FRMPD2: variants seen among roughly 807,000 people sequenced by gnomAD.
FRMPD2 encodes FERM and PDZ domain-containing protein 2.
A neutral mutation model predicts 140.1 loss-of-function variants in FRMPD2; 96 were observed. The observed-to-expected ratio is 0.69, with a 90% CI of 0.58 to 0.81. The LOEUF is 0.81. FRMPD2 is among the 40% of genes least tolerant of loss of function. FRMPD2 has a pLI of 0.00. For missense variants in FRMPD2, 1,240 were observed against 1,447.4 expected, an observed-to-expected ratio of 0.86 and a Z score of 2.32; for synonymous variants, 449 against 547.6, an observed-to-expected ratio of 0.82 and a Z score of 2.52.
In FRMPD2 at chr10:48,261,962, A is replaced by G. The variant is rs1588860482; in HGVS notation, c.26-10271T>C. ...AACTACTAGAAATATTTTTTAAAAG[A>G]AGTATAACTTACATGCCAAAATAAT... On this transcript the variant is annotated intron_variant, in intron 1 of 28. Coordinates refer to ENST00000374201, the MANE Select transcript of FRMPD2 (RefSeq NM_001018071.4). Among the ~76,000 whole-genome samples, 3 of 152,306 alleles carry G rather than the reference A, an allele frequency of 2.0e-5. No individual in the cohort carries two copies. The South Asian group carries it at 6.2e-4, about 32-fold the overall frequency.
At chr10:48,219,814 T>C (rs886449741) in intron 12 of FRMPD2, among the ~76,000 whole-genome samples, 7 of 152,220 alleles carry the variant, frequency 4.6e-5, no homozygotes, top group Non-Finnish European at 1.0e-4. Flanking sequence ...CAAAGAAACT[T>C]GCATATGATT....
At chr10:48,175,988 A>T (rs1460064863) in intron 22 of FRMPD2, 49 bp from the exon 23 acceptor site, 1 of 1,418,652 alleles carries the variant, frequency 7.0e-7, no homozygotes. Context: ...TCCTCCAGGA[A>T]GCCTCCCCAA....
At position 48,211,938 on chromosome 10, in the gene FRMPD2, G is replaced by C. The variant is rs563419371; in HGVS notation, c.1611+16C>G. ...CTTGAAGACCAACACCTCTCTCCAG[G>C]TCAGGAAGGCCTTACCCTCAAGAAC... On this transcript the variant is annotated intron_variant, in intron 13 of 28. Transcript: ENST00000374201. 1.2e-6 allele frequency: 2 copies of C among 1,611,024 alleles called. No homozygotes were observed. The highest frequency in any genetic ancestry group is 1.7e-5 in the Admixed American group (1 of 59,890).
chr10:48,217,292 C>T (rs1219990134), intron 12 of FRMPD2, among the ~76,000 whole-genome samples: 1 of 152,162 alleles, frequency 6.6e-6, no homozygotes, highest in East Asian at 1.9e-4. Context: ...ACAAAAACAC[C>T]CTTACCCTCA....
At chr10:48,197,252 C>T (rs1838976160) in intron 15 of FRMPD2, among the ~76,000 whole-genome samples, 2 of 152,286 alleles carry the variant, frequency 1.3e-5, no homozygotes, top group African/African-American at 4.8e-5. Flanking sequence ...TTGGCTGGCA[C>T]TGAACAAAAC....
intron 17 of FRMPD2, 57 bp from the exon 18 acceptor site, chr10:48,185,702 A>G (rs1838667398): frequency 7.6e-7 from 1 of 1,308,434 alleles, no homozygotes; most frequent in Non-Finnish European, 1.1e-6. Context: ...TTTGGGAGCT[A>G]ATACAAAAGG....
chr10:48,242,385 G>T, intron 4 of FRMPD2, 33 bp from the exon 5 acceptor site: 1 of 1,589,898 alleles, frequency 6.3e-7, no homozygotes, highest in Non-Finnish European at 8.6e-7. Flanking sequence ...AGAGGAGAGA[G>T]CAGCCAGAGC....
intron 20 of FRMPD2, among the ~76,000 whole-genome samples, chr10:48,182,182 G>A (rs545640726): frequency 4.6e-5 from 7 of 152,170 alleles, no homozygotes; most frequent in African/African-American, 1.7e-4. Context: ...TATCCAGCAG[G>A]GAGTGGCAGG....
chr10:48,216,286 TGATG>T (rs760684746), intron 12 of FRMPD2, among the ~76,000 whole-genome samples: 1 of 115,936 alleles, frequency 8.6e-6, no homozygotes, highest in East Asian at 2.8e-4. Flanking sequence ...GATACATAGA[TGATG>T]GATAGATAGA....
chr10:48,176,994 TAG>T (rs1250948409), intron 22 of FRMPD2, among the ~76,000 whole-genome samples: 23 of 152,260 alleles, frequency 1.5e-4, no homozygotes, highest in Non-Finnish European at 2.4e-4. Flanking sequence ...TCATCAGCCA[TAG>T]AGTGTCCTTA....
chr10:48,188,954 C>T (rs1018069310), intron 16 of FRMPD2, among the ~76,000 whole-genome samples: 1 of 152,090 alleles, frequency 6.6e-6, no homozygotes, highest in Non-Finnish European at 1.5e-5. Context: ...GGAGTTGTGT[C>T]GAATGGGTGC....
chr10:48,251,469 G>T, intron 2 of FRMPD2, 97 bp downstream of exon 2: 1 of 1,458,338 alleles, frequency 6.9e-7, no homozygotes. Context: ...GCTCTCAGAG[G>T]TTGATTTAAA....
Position 48,200,588 on chromosome 10 carries a change from T to C in FRMPD2, c.1954+640A>G, listed in dbSNP as rs540496905. On this transcript the variant is annotated intron_variant, in intron 15 of 28. Coordinates refer to ENST00000374201, the MANE Select transcript of FRMPD2 (RefSeq NM_001018071.4). ...CTTCGAATTCCTTTTCCAAGAACTT[T>C]TGTTCATGATAGGTCTGTGTTGCTA... Among the ~76,000 whole-genome samples, 11 of 152,360 alleles carry C rather than the reference T, an allele frequency of 7.2e-5. No individual in the cohort carries two copies. The South Asian group carries it at 2.3e-3, about 32-fold the overall frequency.
intron 12 of FRMPD2, among the ~76,000 whole-genome samples, chr10:48,215,255 A>T (rs115759935): frequency 6.6e-6 from 1 of 152,116 alleles, no homozygotes; most frequent in Non-Finnish European, 1.5e-5. Context: ...GGTGGCCCCC[A>T]CCCAGCTTCA....
chr10:48,261,310 A>T (rs1840585195), intron 1 of FRMPD2, among the ~76,000 whole-genome samples: 2 of 152,248 alleles, frequency 1.3e-5, no homozygotes, highest in African/African-American at 4.8e-5. Context: ...ATCAAGCAAG[A>T]TAAATAAAAA....
chr10:48,220,200 A>G (rs1839550205), intron 12 of FRMPD2, among the ~76,000 whole-genome samples: 1 of 152,248 alleles, frequency 6.6e-6, no homozygotes. Context: ...CCATAAGGCC[A>G]TAGTCACCAG....
Position 48,249,036 on chromosome 10 carries a change from C to A in FRMPD2, c.294G>T (p.Gln98His). The change falls in exon 3 of 29, where the codon CAG becomes CAT. Residue 98 changes from glutamine (Q) to histidine (H), a missense_variant. Gln to His is a conservative substitution (Grantham distance 24). Transcript: ENST00000374201. Reference protein sequence around the residue: ...ELLQGQSEDEQPDASQMHVYS... With the variant: ...ELLQGQSEDEHPDASQMHVYS... ...CACAGCTTACCTGAGATGCATCAGG[C>A]TGCTCATCCTCACTCTGTCCCTGTA... is the stretch of plus-strand genomic sequence containing the variant. The A allele has an allele frequency of 6.2e-7, 1 of 1,611,144 alleles. No homozygotes were observed.
chr10:48,257,540 A>G (rs764691986), intron 1 of FRMPD2, among the ~76,000 whole-genome samples: 1 of 152,152 alleles, frequency 6.6e-6, no homozygotes, highest in Non-Finnish European at 1.5e-5. Context: ...TCAGCCTCAC[A>G]AAGTGCTGGG....
intron 11 of FRMPD2, among the ~76,000 whole-genome samples, chr10:48,222,670 T>C (rs2131904555): frequency 1.3e-5 from 2 of 152,332 alleles, no homozygotes; most frequent in East Asian, 3.9e-4. Flanking sequence ...AGTCACTTCA[T>C]ACAAACTTAC....
Sources: allele counts gnomAD v4.1 joint callset (sites outside exome capture counted in the v4.1 genomes callset), GRCh38; gene constraint gnomAD v4.1.1; transcripts MANE v1.5; gene names NCBI Gene and HGNC (gene_info 2026-07-23, HGNC 2026-07-21).